Variants in PCDHGA1 observed in about 807,000 individuals in gnomAD.
The protein encoded by PCDHGA1 is protocadherin gamma-A1.
Under a neutral mutation model 58.0 loss-of-function variants are expected in PCDHGA1, and 32 were observed. The observed-to-expected ratio is 0.55, with a 90% CI of 0.42 to 0.74. The LOEUF is 0.74. Among genes scored for constraint, PCDHGA1 ranks in the 30% least tolerant of loss-of-function variants. PCDHGA1 has a pLI of 0.00. For synonymous variants in PCDHGA1, 498 were observed against 501.1 expected, an observed-to-expected ratio of 0.99 and a Z score of 0.08; for missense variants, 1,205 against 1,182.3, an observed-to-expected ratio of 1.02 and a Z score of -0.28.
intron 1 of PCDHGA1, chr5:141,351,617 T>C: frequency 6.2e-7 from 1 of 1,614,030 alleles, no homozygotes; most frequent in Admixed American, 1.7e-5. Flanking sequence ...TCAGGCCTCC[T>C]ATGTGGTCCA....
At chr5:141,416,387 A>T (rs1229066765) in intron 1 of PCDHGA1, 1 of 152,190 alleles carries the variant, frequency 6.6e-6, no homozygotes, top group Admixed American at 6.5e-5. Context: ...AATATTTGGG[A>T]TTCTGCTTTT....
intron 1 of PCDHGA1, chr5:141,383,317 G>A (rs376453261): frequency 1.9e-6 from 3 of 1,614,000 alleles, no homozygotes; most frequent in African/African-American, 2.7e-5. Context: ...AGAAATAAAT[G>A]TAAAAATAAT....
At chr5:141,375,611 G>C (rs1049659012) in intron 1 of PCDHGA1, 3 of 1,614,060 alleles carry the variant, frequency 1.9e-6, no homozygotes, top group African/African-American at 1.3e-5. Context: ...CATCAACTCC[G>C]ACACTGGGAT....
At chr5:141,360,953 T>G in intron 1 of PCDHGA1, 1 of 1,613,930 alleles carries the variant, frequency 6.2e-7, no homozygotes, top group Non-Finnish European at 8.5e-7. Context: ...GATGAAGGCA[T>G]AAACGCAGAG....
At chr5:141,415,036 T>C (rs772612744) in intron 1 of PCDHGA1, 1 of 1,613,526 alleles carries the variant, frequency 6.2e-7, no homozygotes, top group Admixed American at 1.7e-5. Context: ...GCCGGGACTC[T>C]TCGCGGTGGG....
chr5:141,465,688 G>C (rs1386213425), intron 1 of PCDHGA1, among the ~76,000 whole-genome samples: 1 of 152,086 alleles, frequency 6.6e-6, no homozygotes, highest in African/African-American at 2.4e-5. Context: ...TGACCAGTCT[G>C]CTTTTGCATT....
At position 141,477,862 on chromosome 5, in the gene PCDHGA1, A is replaced by AGGT. The variant is rs753168325; in HGVS notation, c.2422-16944_2422-16942dup. 2.1e-5 allele frequency: 34 copies of AGGT among 1,613,138 alleles called. No individual in the cohort carries two copies. Among genetic ancestry groups the AGGT allele is most frequent in the Non-Finnish European group, 2.5e-5 (29 of 1,179,720 alleles). ...GGAGCTCGGTGGAGATGCTGCCTCG[A>AGGT]GGTACCTCAGCTGGCCACCTAGTGT... is the stretch of plus-strand genomic sequence containing the variant. On this transcript the variant is annotated intron_variant, in intron 1 of 3. Transcript: ENST00000517417. The surrounding 1 kb of genome is among the most constrained non-coding windows in gnomAD (Gnocchi z 4.9).
intron 1 of PCDHGA1, chr5:141,350,797 G>C (rs746796128): frequency 1.9e-6 from 3 of 1,613,996 alleles, no homozygotes; most frequent in Non-Finnish European, 2.5e-6. Context: ...CTCTGTCAAC[G>C]AAGGAAAGTC....
At chr5:141,438,621 T>C (rs1164140266) in intron 1 of PCDHGA1, among the ~76,000 whole-genome samples, 4 of 41,368 alleles carry the variant, frequency 9.7e-5, no homozygotes, top group Admixed American at 3.5e-4. Flanking sequence ...TATATATATA[T>C]ATATATATAT....
intron 1 of PCDHGA1, chr5:141,390,248 A>G (rs778353032): frequency 2.5e-6 from 4 of 1,613,850 alleles, no homozygotes; most frequent in East Asian, 2.2e-5. Context: ...CCTTATTTCC[A>G]CTTTGTAATT....
intron 1 of PCDHGA1, among the ~76,000 whole-genome samples, chr5:141,482,188 G>C (rs1178289472): frequency 2.6e-5 from 4 of 152,122 alleles, no homozygotes; most frequent in African/African-American, 9.7e-5. Context: ...CGATGCTCCA[G>C]TTCTAGTAAA....
At chr5:141,428,184 C>A in intron 1 of PCDHGA1, 32 of 1,463,670 alleles carry the variant, frequency 2.2e-5, no homozygotes, top group Non-Finnish European at 3.0e-5. Context: ...GGAGGACAGC[C>A]GCCGCTCTCT....
rs373516334 is a variant in PCDHGA1 at position 141,414,175 on chromosome 5, A to G, written c.2422-80632A>G. On this transcript the variant is annotated intron_variant, in intron 1 of 3. Transcript: ENST00000517417. ...AGAAGATGGAGGAGCATATCTTGCA[A>G]CTGCAAAAGTGTTGATTACAGTAGA... 1.6e-5 allele frequency: 25 copies of G among 1,607,698 alleles called. No homozygotes were observed. The highest frequency in any genetic ancestry group is 1.3e-4 in the South Asian group (12 of 90,242).
chr5:141,392,671 C>A, intron 1 of PCDHGA1: 1 of 875,408 alleles, frequency 1.1e-6, no homozygotes, highest in Non-Finnish European at 1.7e-6. Context: ...AAACTAACTG[C>A]TGGACTGCAG....
intron 1 of PCDHGA1, chr5:141,398,338 G>A (rs1261830149): frequency 4.4e-6 from 6 of 1,375,730 alleles, no homozygotes; most frequent in Non-Finnish European, 6.0e-6. Context: ...CGTCAGTTCG[G>A]AGAAGCCTTA....
intron 1 of PCDHGA1, chr5:141,417,999 TG>T: frequency 6.2e-7 from 1 of 1,613,838 alleles, no homozygotes; most frequent in Non-Finnish European, 8.5e-7. Context: ...GGCTCGGTGG[TG>T]GGGAACCTCG....
intron 1 of PCDHGA1, chr5:141,420,535 T>C (rs1322301404): frequency 6.2e-6 from 2 of 321,930 alleles, no homozygotes; most frequent in African/African-American, 4.3e-5. Flanking sequence ...CGGTTAAAAA[T>C]ATAAAATACA....
intron 1 of PCDHGA1, chr5:141,413,304 A>G: frequency 6.2e-7 from 1 of 1,613,982 alleles, no homozygotes; most frequent in Non-Finnish European, 8.5e-7. Context: ...CTGAGGAATT[A>G]GAGAAAGGCT....
intron 1 of PCDHGA1, chr5:141,343,081 T>G (rs1262047538): frequency 6.2e-6 from 1 of 161,534 alleles, no homozygotes. Context: ...TCTCCCATTA[T>G]GGTAATTATC....
Sources: gnomAD v4.1 joint callset for allele counts (sites outside exome capture counted in the v4.1 genomes callset) on GRCh38, gnomAD v4.1.1 for gene constraint, Gnocchi (gnomAD v3.1) non-coding constraint, MANE v1.5 for transcripts, NCBI Gene and HGNC (gene_info 2026-07-23, HGNC 2026-07-21) for gene names.